The following CERT1 variants were observed in gnomAD, a reference collection of about 807,000 sequenced individuals.
CERT1 encodes the protein ceramide transfer protein.
CERT1 carries 31 observed loss-of-function variants against 87.9 expected under a neutral mutation model. The observed-to-expected ratio is 0.35, with a 90% confidence interval of 0.27 to 0.48. The LOEUF (loss-of-function observed/expected upper bound fraction) is 0.48. Among genes scored for constraint, CERT1 ranks in the 20% least tolerant of loss-of-function variants. The pLI is 0.99. For missense variants in CERT1, 487 were observed against 758.0 expected, an observed-to-expected ratio of 0.64 and a Z score of 4.20; for synonymous variants, 289 against 250.9, an observed-to-expected ratio of 1.15 and a Z score of -1.44.
chr5:75,496,946 CAATGTGATTTTTTAA>C (rs1300650130), intron 2 of CERT1, among the ~76,000 whole-genome samples: 1 of 151,314 alleles, frequency 6.6e-6, no homozygotes, highest in Non-Finnish European at 1.5e-5. Context: ...AATTATATCT[CAATGTGATTTTTTAA>C]AAGGCACAAC....
Position 75,458,521 on chromosome 5 carries a change from A to G in CERT1, c.348+544T>C, listed in dbSNP as rs189550010. The stretch of plus-strand genomic sequence containing the variant: ...CGAAATGTGTTTTATGAAAAAGGGT[A>G]TATTTTTGATGTAGTTAACAATGAA... On this transcript the variant is annotated intron_variant, in intron 3 of 16. Transcript: ENST00000643780. 7.2e-5 allele frequency among the ~76,000 whole-genome samples: 11 copies of G among 152,238 alleles called. No individual in the cohort carries two copies. In the East Asian group the frequency reaches 1.9e-3, roughly 27 times the overall value.
intron 2 of CERT1, among the ~76,000 whole-genome samples, chr5:75,503,046 A>C (rs1767458573): frequency 6.6e-6 from 1 of 152,072 alleles, no homozygotes; most frequent in African/African-American, 2.4e-5. Flanking sequence ...AAATTCTCTC[A>C]AGACATACTT....
chr5:75,387,645 G>C (rs1005465074), intron 12 of CERT1, among the ~76,000 whole-genome samples: 6 of 151,672 alleles, frequency 4.0e-5, no homozygotes, highest in Non-Finnish European at 8.8e-5. Context: ...GGGAGGCTGA[G>C]GCAGGAGAAT....
In CERT1 at chr5:75,399,447, C is replaced by G. The variant is rs187632276; in HGVS notation, c.1111-60G>C. On this transcript the variant is annotated intron_variant, in intron 10 of 16. Transcript: ENST00000643780. ...CAGAACAAAGGCACAACAGAGCATT[C>G]AGTACCAACTTCCAAACACAAGATA... 3.5e-5 allele frequency: 43 copies of G among 1,212,724 alleles called. No homozygotes were observed. In the African/African-American group the frequency reaches 5.4e-4, roughly 15 times the overall value. 75.1% of individuals were successfully genotyped at this position (1,212,724 alleles called of 1,614,324 possible). A position where few individuals can be genotyped will look rare whatever the true frequency, so the allele number is the denominator to read the frequency against.
At chr5:75,390,642 TAATA>T (rs1761991698) in intron 11 of CERT1, among the ~76,000 whole-genome samples, 1 of 152,188 alleles carries the variant, frequency 6.6e-6, no homozygotes, top group Non-Finnish European at 1.5e-5. Flanking sequence ...TCATTTTCTG[TAATA>T]AATACATTAG....
chr5:75,395,736 C>A (rs1301298725), intron 11 of CERT1, among the ~76,000 whole-genome samples: 2 of 151,822 alleles, frequency 1.3e-5, no homozygotes, highest in East Asian at 1.9e-4. Flanking sequence ...ATAGCGTGTG[C>A]CTGTAATCCC....
chr5:75,386,024 C>G lies in CERT1; in HGVS notation c.1295G>C (p.Arg432Thr). 1 of 1,556,788 alleles carries G rather than the reference C, an allele frequency of 6.4e-7. No homozygotes were observed. Among genetic ancestry groups the G allele is most frequent in the Non-Finnish European group, 8.7e-7 (1 of 1,153,992 alleles). Residue 432 changes from arginine to threonine, a missense_variant, in exon 13 of 17, where the codon AGA (arginine) becomes ACA (threonine). This residue lies in a region of CERT1 where 147 missense variants were observed against 200.8 expected (regional missense o/e 0.73). Coordinates refer to ENST00000643780, the MANE Select transcript of CERT1 (RefSeq NM_001379029.1). ...VEEGEMKVYR[R>T]EVEENGIVLD... ...AACAATCCCATTTTCTTCTACTTCT[C>G]TTCTGTATACCTAAAGAGAACATAA...
chr5:75,426,459 G>GATCCAT lies in CERT1; in HGVS notation c.362_367dup (p.Tyr121_Gly122dup). 6.2e-7 allele frequency: 1 copy of GATCCAT among 1,612,214 alleles called. No homozygotes were observed. The highest frequency in any genetic ancestry group is 1.7e-5 in the Admixed American group (1 of 59,970). ...GCCATGTCGACGCAAGCTGGATTCA[G>GATCCAT]ATCCATATCCAGATTCAGTCTAAAA... On this transcript the variant is annotated inframe_insertion, in exon 4 of 17. Transcript: ENST00000643780.
intron 3 of CERT1, among the ~76,000 whole-genome samples, chr5:75,451,972 C>T (rs1465379805): frequency 3.3e-5 from 5 of 152,148 alleles, no homozygotes; most frequent in Non-Finnish European, 7.4e-5. Flanking sequence ...GGGGTTCTCT[C>T]AGTAAAAAAC....
chr5:75,468,469 G>A (rs574923799), intron 2 of CERT1, among the ~76,000 whole-genome samples: 2 of 152,176 alleles, frequency 1.3e-5, no homozygotes, highest in African/African-American at 4.8e-5. Flanking sequence ...GACCCCTCAT[G>A]GTAACTGAAT....
At chr5:75,454,918 G>A (rs1309374285) in intron 3 of CERT1, among the ~76,000 whole-genome samples, 1 of 152,114 alleles carries the variant, frequency 6.6e-6, no homozygotes, top group Non-Finnish European at 1.5e-5. Context: ...GACGAAAAGT[G>A]GATTTTATAC....
chr5:75,491,704 C>T (rs1766805884), intron 2 of CERT1, among the ~76,000 whole-genome samples: 1 of 152,134 alleles, frequency 6.6e-6, no homozygotes, highest in South Asian at 2.1e-4. Context: ...GATTATTTTG[C>T]AGTTTTGCCA....
At chr5:75,438,809 T>G (rs1480884580) in intron 3 of CERT1, among the ~76,000 whole-genome samples, 1 of 152,020 alleles carries the variant, frequency 6.6e-6, no homozygotes, top group African/African-American at 2.4e-5. Context: ...AAATAAAAAA[T>G]AACATCTTGG....
Position 75,409,530 on chromosome 5 carries a change from A to G in CERT1, c.930+1481T>C, listed in dbSNP as rs1297117181. Reference sequence around the variant, plus strand: ...TTAAACTGCTCATTTCAGAAATATCAACACTTTTTTTTTTGAGACGGAGTC... The same window carrying G: ...TTAAACTGCTCATTTCAGAAATATCGACACTTTTTTTTTTGAGACGGAGTC... On this transcript the variant is annotated intron_variant, in intron 8 of 16. Coordinates refer to ENST00000643780, the MANE Select transcript of CERT1 (RefSeq NM_001379029.1). 2.0e-5 allele frequency among the ~76,000 whole-genome samples: 3 copies of G among 150,992 alleles called. No homozygotes were observed. In the East Asian group the frequency reaches 5.9e-4, roughly 30 times the overall value.
intron 2 of CERT1, among the ~76,000 whole-genome samples, chr5:75,470,467 C>A (rs1765656495): frequency 6.6e-6 from 1 of 152,058 alleles, no homozygotes; most frequent in Admixed American, 6.6e-5. Flanking sequence ...AATGGTTCAA[C>A]ACAAACAAAT....
chr5:75,479,866 T>C (rs1766147935), intron 2 of CERT1, among the ~76,000 whole-genome samples: 1 of 152,220 alleles, frequency 6.6e-6, no homozygotes, highest in Admixed American at 6.5e-5. Flanking sequence ...GGAATCGCCA[T>C]ACTGCTTTCC....
chr5:75,458,305 A>C (rs1049288971), intron 3 of CERT1, among the ~76,000 whole-genome samples: 1 of 152,144 alleles, frequency 6.6e-6, no homozygotes, highest in Non-Finnish European at 1.5e-5. Context: ...TTATCATTAG[A>C]TAGCCTCACA....
At chr5:75,481,836 G>A (rs538149526) in intron 2 of CERT1, among the ~76,000 whole-genome samples, 91 of 152,070 alleles carry the variant, frequency 6.0e-4, no homozygotes, top group Non-Finnish European at 1.2e-3. Flanking sequence ...ATATTACTGT[G>A]ATTTTTGGCT....
chr5:75,410,146 A>T (rs1762870530), intron 8 of CERT1, among the ~76,000 whole-genome samples: 1 of 151,792 alleles, frequency 6.6e-6, no homozygotes, highest in African/African-American at 2.4e-5. Context: ...TTTCTTACAC[A>T]TTTTTTTCTC....
Sources: allele counts gnomAD v4.1 joint callset (sites outside exome capture counted in the v4.1 genomes callset), GRCh38; gene constraint gnomAD v4.1.1; regional missense constraint gnomAD v4.1.1; transcripts MANE v1.5; gene names NCBI Gene and HGNC (gene_info 2026-07-23, HGNC 2026-07-21).